SPDYE1: variants seen among roughly 807,000 people sequenced by gnomAD.
SPDYE1 encodes speedy/RINGO cell cycle regulator family member E1.
A neutral mutation model predicts 45.9 loss-of-function variants in SPDYE1; 29 were observed. The observed-to-expected ratio is 0.63, with a 90% CI of 0.47 to 0.86. The LOEUF is 0.86. SPDYE1 is among the 40% of genes least tolerant of loss of function. The probability of loss-of-function intolerance (pLI) is 0.00; values close to 1 mark genes in which losing one functional copy is unlikely to be tolerated. For missense variants in SPDYE1, 346 were observed against 481.4 expected (o/e 0.72, Z 2.63); for synonymous variants, 134 against 176.8 (o/e 0.76, Z 1.92).
chr7:44,005,669 C>T (rs1321263595), intron 6 of SPDYE1, among the ~76,000 whole-genome samples: 3 of 132,470 alleles, frequency 2.3e-5, no homozygotes, highest in South Asian at 2.5e-4. Context: ...CAGAGTGAGA[C>T]TTTTTCTCAA....
At chr7:44,006,765 C>T (rs141650864) in intron 6 of SPDYE1, among the ~76,000 whole-genome samples, 7 of 152,318 alleles carry the variant, frequency 4.6e-5, no homozygotes, top group African/African-American at 1.7e-4. Flanking sequence ...ACAGGTGTGC[C>T]ATCGCACCAG....
intron 3 of SPDYE1, among the ~76,000 whole-genome samples, chr7:44,001,571 T>G (rs1485223120): frequency 4.6e-5 from 7 of 152,044 alleles, no homozygotes; most frequent in Non-Finnish European, 7.4e-5. Flanking sequence ...AGAGGACTGC[T>G]TGAACTCAGG....
intron 5 of SPDYE1, 114 bp downstream of exon 5, chr7:44,004,025 CTTTTTTTTTTT>C (rs879095797): frequency 2.7e-6 from 1 of 375,304 alleles, no homozygotes; most frequent in African/African-American, 4.9e-5. Context: ...CTCCTACAGT[CTTTTTTTTTTT>C]TTTTTTTTTG....
At chr7:43,999,279 C>T (rs1218110773) in intron 1 of SPDYE1, among the ~76,000 whole-genome samples, 3 of 152,112 alleles carry the variant, frequency 2.0e-5, no homozygotes, top group African/African-American at 7.2e-5. Context: ...GGGCAGAGGA[C>T]GTATGTACCC....
chr7:44,005,117 C>T, intron 5 of SPDYE1, 25 bp from the exon 6 acceptor site: 1 of 1,611,184 alleles, frequency 6.2e-7, no homozygotes, highest in Non-Finnish European at 8.5e-7. Flanking sequence ...ACCTCTCCCT[C>T]TCTGTGTTCC....
chr7:44,007,075 C>A (rs1392435170), intron 6 of SPDYE1, 193 bp from the exon 7 acceptor site: 1 of 1,390,652 alleles, frequency 7.2e-7, no homozygotes, highest in African/African-American at 1.4e-5. Context: ...TGTCTCCATC[C>A]TGAAGGAGTG....
At position 44,002,655 on chromosome 7, in the gene SPDYE1, G is replaced by A. The variant is rs750180041; in HGVS notation, c.445G>A (p.Asp149Asn). The stretch of plus-strand genomic sequence containing the variant: ...CTGGAAAAGGAAGATGGAGTGGTGG[G>A]ACAAATCTGAGGAGTCGGAGGAGGA... ...FCWKRKMEWW[D>N]KSEESEEEPR... The change falls in exon 4 of 9, where the codon GAC becomes AAC. Residue 149 changes from aspartate to asparagine, a missense_variant. Asp to Asn is a conservative substitution (Grantham distance 23). This residue lies in a region of SPDYE1 where 141 missense variants were observed against 176.7 expected (regional missense o/e 0.80). Transcript: ENST00000693451. 2 of 1,597,592 alleles carry A rather than the reference G, an allele frequency of 1.3e-6. No homozygotes were observed. The highest frequency in any genetic ancestry group is 2.2e-5 in the East Asian group (1 of 44,856).
Position 44,007,475 on chromosome 7 carries a change from C to T in SPDYE1, c.960C>T (p.Asn320=). The change falls in exon 7 of 9, where the codon AAC becomes AAT. Residue 320 remains asparagine, a synonymous_variant. Transcript: ENST00000693451. ...GGTTCCAGTTACGCCGTTGCATGAA[C>T]CCGAGGGCCAGGAAGAACCGCTCTC... The part of the protein sequence containing the change: ...KRRFQLRRCM[N]PRARKNRSQI... 6.2e-7 allele frequency: 1 copy of T among 1,613,158 alleles called. No homozygotes were observed.
chr7:44,009,679 G>A lies in SPDYE1; in HGVS notation c.*1058G>A, dbSNP rs1004266478. 3 of 149,696 alleles carry A rather than the reference G, an allele frequency of 2.0e-5. No individual in the cohort carries two copies. Among genetic ancestry groups the A allele is most frequent in the Non-Finnish European group, 3.0e-5 (2 of 67,514 alleles). The allele number at this position is 149,696 out of a possible 1,614,324, so 9.3% of individuals were successfully genotyped here. ...TATTTTAAATATTTTGGAAATACTGGTATTTTTGAATAGATGCTGTTTCTA... is the reference window on the plus strand; with the variant it reads ...TATTTTAAATATTTTGGAAATACTGATATTTTTGAATAGATGCTGTTTCTA... On this transcript the variant is annotated 3_prime_UTR_variant, in exon 9 of 9. Transcript: ENST00000693451.
In SPDYE1 at chr7:44,007,253, G is replaced by A. The variant is rs770339417; in HGVS notation, c.753-15G>A. ...TGGTGGTGCCCCTGAGCAGCAACCT[G>A]ATTCCTGTCCTCAGCTACCTGGCCA... On this transcript the variant is annotated splice_polypyrimidine_tract_variant and intron_variant, in intron 6 of 8. Coordinates refer to ENST00000693451, the MANE Select transcript of SPDYE1 (RefSeq NM_001378423.2). 6.2e-7 allele frequency: 1 copy of A among 1,612,422 alleles called. No homozygotes were observed. Among genetic ancestry groups the A allele is most frequent in the Admixed American group, 1.7e-5 (1 of 60,024 alleles).
rs777832493 is a variant in SPDYE1 at position 44,005,176 on chromosome 7, G to T, written c.701G>T (p.Arg234Leu). Residue 234 changes from arginine to leucine, a missense_variant, in exon 6 of 9, where the codon CGA becomes CTA. Coordinates refer to ENST00000693451, the MANE Select transcript of SPDYE1 (RefSeq NM_001378423.2). ...LLAMVIAYFSRAGFPSWQYQR... is the reference protein window; with the variant it reads ...LLAMVIAYFSLAGFPSWQYQR... ...GCTATGGTCATAGCGTATTTCAGCC[G>T]AGCCGGCTTCCCCTCCTGGCAATAC... 9 of 1,611,892 alleles carry T rather than the reference G, an allele frequency of 5.6e-6. No homozygotes were observed. The East Asian group carries it at 1.6e-4, about 28-fold the overall frequency.
intron 1 of SPDYE1, among the ~76,000 whole-genome samples, 183 bp downstream of exon 1, chr7:43,998,142 G>T (rs1355756129): frequency 6.6e-6 from 1 of 151,848 alleles, no homozygotes; most frequent in Non-Finnish European, 1.5e-5. Context: ...CAGCTCTGAC[G>T]GTTTAAAGCG....
At chr7:44,008,046 A>G (rs923444774) in intron 8 of SPDYE1, among the ~76,000 whole-genome samples, 2 of 152,246 alleles carry the variant, frequency 1.3e-5, no homozygotes, top group African/African-American at 2.4e-5. Context: ...CGGAGCCCTG[A>G]TCCTGCCACT....
Position 44,007,229 on chromosome 7 carries a change from G to A in SPDYE1, c.753-39G>A, listed in dbSNP as rs756170479. The A allele has an allele frequency of 3.1e-6, 5 of 1,612,046 alleles. No homozygotes were observed. The African/African-American group carries it at 5.3e-5, about 17-fold the overall frequency. On this transcript the variant is annotated intron_variant, in intron 6 of 8. Coordinates refer to ENST00000693451, the MANE Select transcript of SPDYE1 (RefSeq NM_001378423.2). ...CTGACCTCAGCCGGAGGTCTCTCCTGGTGGTGCCCCTGAGCAGCAACCTGA... is the reference window on the plus strand; with the variant it reads ...CTGACCTCAGCCGGAGGTCTCTCCTAGTGGTGCCCCTGAGCAGCAACCTGA...
chr7:43,998,309 C>T (rs990686800), intron 1 of SPDYE1, among the ~76,000 whole-genome samples: 2 of 151,970 alleles, frequency 1.3e-5, no homozygotes, highest in South Asian at 2.1e-4. Context: ...TGGGAACTCA[C>T]TCGCAGGTTC....
chr7:44,002,674 A>G lies in SPDYE1; in HGVS notation c.464A>G (p.Glu155Gly). The change falls in exon 4 of 9, where the codon GAG (glutamate) becomes GGG (glycine). Residue 155 changes from glutamate to glycine, a missense_variant. This residue lies in a region of SPDYE1 where 141 missense variants were observed against 176.7 expected (regional missense o/e 0.80). Coordinates refer to ENST00000693451, the MANE Select transcript of SPDYE1 (RefSeq NM_001378423.2). ...TGGTGGGACAAATCTGAGGAGTCGGAGGAGGAGCCACGGAAGGTGCTCGCC... is the reference window on the plus strand; with the variant it reads ...TGGTGGGACAAATCTGAGGAGTCGGGGGAGGAGCCACGGAAGGTGCTCGCC... ...MEWWDKSEES[E>G]EEPRKVLAPE... 1 of 1,597,526 alleles carries G rather than the reference A, an allele frequency of 6.3e-7. No homozygotes were observed.
In SPDYE1 at chr7:44,008,872, T is replaced by C. The variant is rs113808374; in HGVS notation, c.*251T>C. The C allele has an allele frequency of 2.4e-4, 123 of 517,502 alleles. No individual in the cohort carries two copies. Among genetic ancestry groups the C allele is most frequent in the Non-Finnish European group, 4.2e-4 (110 of 261,252 alleles). The allele number at this position is 517,502 out of a possible 1,614,324, so 32.1% of individuals were successfully genotyped here. ...GGGATGGGGTCCTTCTAGGAGTCCT[T>C]GGAGAAAAGTAAGAAACCAGGAGTG... On this transcript the variant is annotated 3_prime_UTR_variant, in exon 9 of 9. Transcript: ENST00000693451.
rs2096074819 is a variant in SPDYE1 at position 44,008,461 on chromosome 7, T to C, written c.*46-206T>C. ...ATCACTGGGGCTGACCTTGGGTGTA[T>C]TAAGTGAGTTTTGGAGTCATGGTCA... On this transcript the variant is annotated intron_variant, in intron 8 of 8. Coordinates refer to ENST00000693451, the MANE Select transcript of SPDYE1 (RefSeq NM_001378423.2). Among the ~76,000 whole-genome samples the C allele has an allele frequency of 2.0e-5, 3 of 152,206 alleles. No individual in the cohort carries two copies. In the South Asian group the frequency reaches 6.2e-4, roughly 31 times the overall value.
chr7:44,005,124 T>C lies in SPDYE1; in HGVS notation c.667-18T>C. 6.2e-7 allele frequency: 1 copy of C among 1,611,544 alleles called. No individual in the cohort carries two copies. The highest frequency in any genetic ancestry group is 8.5e-7 in the Non-Finnish European group (1 of 1,179,538). On this transcript the variant is annotated intron_variant, in intron 5 of 8. Coordinates refer to ENST00000693451, the MANE Select transcript of SPDYE1 (RefSeq NM_001378423.2). ...AAGATGTGACCTCTCCCTCTCTGTGTTCCTTTCTCTCCATCAGTATCTCCT... is the reference window on the plus strand; with the variant it reads ...AAGATGTGACCTCTCCCTCTCTGTGCTCCTTTCTCTCCATCAGTATCTCCT...
Sources: allele counts gnomAD v4.1 joint callset (sites outside exome capture counted in the v4.1 genomes callset), GRCh38; gene constraint gnomAD v4.1.1; regional missense constraint gnomAD v4.1.1; transcripts MANE v1.5; gene names NCBI Gene and HGNC (gene_info 2026-07-23, HGNC 2026-07-21).